APOL5: variants seen among roughly 807,000 people sequenced by gnomAD.
The protein encoded by APOL5 is apolipoprotein L, 5.
In APOL5, 29 loss-of-function variants were observed where a neutral mutation model predicts 35.5. The observed-to-expected ratio is 0.82, with a 90% CI of 0.61 to 1.11. The LOEUF (loss-of-function observed/expected upper bound fraction) is 1.11, where lower values mean the gene tolerates loss of function less well. Ranked by LOEUF, APOL5 falls within the 50% of genes most tolerant of loss-of-function variation. The pLI, the probability that APOL5 is intolerant of heterozygous loss-of-function variation, is 0.00. For missense variants in APOL5, 514 were observed against 530.4 expected (o/e 0.97, Z 0.30); for synonymous variants, 188 against 200.2 (o/e 0.94, Z 0.51).
chr22:35,711,599 T>TTCCCTTCCTTCCTTCC, the APOL5 span, among the ~76,000 whole-genome samples: 1 of 77,508 alleles, frequency 1.3e-5, no homozygotes, highest in African/African-American at 5.6e-5. Flanking sequence ...TCACCATGTT[T>TTCCCTTCCTTCCTTCC]TTCCTTCCTT....
At chr22:35,716,758 A>G (rs1197045087), upstream of APOL5, among the ~76,000 whole-genome samples, 1 of 151,570 alleles carries the variant, frequency 6.6e-6, no homozygotes, top group Admixed American at 6.6e-5. Flanking sequence ...CTTAAAAAAA[A>G]TAAGAAAAGA....
At chr22:35,717,235 A>AAAAAAAAAAAAATATATATATAT, upstream of APOL5, among the ~76,000 whole-genome samples, 1 of 57,662 alleles carries the variant, frequency 1.7e-5, no homozygotes, top group Non-Finnish European at 3.1e-5. Flanking sequence ...AAAAAAAAAA[A>AAAAAAAAAAAAATATATATATAT]ATATATATAT....
In APOL5 at chr22:35,726,978, A is replaced by G. The variant is rs1210537001; in HGVS notation, c.910A>G (p.Met304Val). 2 of 1,614,158 alleles carry G rather than the reference A, an allele frequency of 1.2e-6. No homozygotes were observed. ...MGAAGAGFLL[M>V]KDMSSFLQSW... The stretch of plus-strand genomic sequence containing the variant: ...TGCTGCTGGGGCTGGCTTCTTACTT[A>G]TGAAAGACATGAGCAGCTTCCTGCA... Residue 304 changes from methionine (M) to valine (V), a missense_variant, in exon 3 of 5, where the codon ATG becomes GTG. Coordinates refer to ENST00000249044, the MANE Select transcript of APOL5 (RefSeq NM_030642.1).
At chr22:35,719,011 A>G (rs1383749665) in intron 1 of APOL5, among the ~76,000 whole-genome samples, 2 of 150,728 alleles carry the variant, frequency 1.3e-5, no homozygotes, top group South Asian at 2.1e-4. Flanking sequence ...GTGAGCCGAG[A>G]TCGCACCACT....
At position 35,726,195 on chromosome 22, in the gene APOL5, G is replaced by T; in HGVS notation, c.143-16G>T. On this transcript the variant is annotated splice_polypyrimidine_tract_variant and intron_variant, in intron 2 of 4. Coordinates refer to ENST00000249044, the MANE Select transcript of APOL5 (RefSeq NM_030642.1). ...CTGCACACATTTTAGTGCTCAGATT[G>T]CCTAGATGTCTTTAGCCTCACTCGT... 1 of 1,599,768 alleles carries T rather than the reference G, an allele frequency of 6.3e-7. No individual in the cohort carries two copies.
chr22:35,727,720 T>C (rs933672607), intron 3 of APOL5, among the ~76,000 whole-genome samples: 7 of 152,210 alleles, frequency 4.6e-5, no homozygotes, highest in African/African-American at 1.2e-4. Context: ...GCTTGGCACA[T>C]AGCCAGTGTG....
At chr22:35,725,416 G>A (rs781179548) in intron 2 of APOL5, among the ~76,000 whole-genome samples, 1 of 151,936 alleles carries the variant, frequency 6.6e-6, no homozygotes, top group African/African-American at 2.4e-5. Context: ...CACCACACCC[G>A]GCTAACTTTT....
At chr22:35,728,669 AG>A in intron 3 of APOL5, 53 bp from the exon 4 acceptor site, 1 of 1,578,650 alleles carries the variant, frequency 6.3e-7, no homozygotes, top group Non-Finnish European at 8.6e-7. Flanking sequence ...CTGAACGTCC[AG>A]GGGCAGATCT....
upstream of APOL5, among the ~76,000 whole-genome samples, chr22:35,717,651 A>G (rs1161438389): frequency 6.7e-6 from 1 of 148,986 alleles, no homozygotes; most frequent in Non-Finnish European, 1.5e-5. Flanking sequence ...GAGGCAGAAG[A>G]GTCAGTTGAA....
chr22:35,727,207 C>A lies in APOL5; in HGVS notation c.1126+13C>A, dbSNP rs1157644049. On this transcript the variant is annotated intron_variant, in intron 3 of 4. Coordinates refer to ENST00000249044, the MANE Select transcript of APOL5 (RefSeq NM_030642.1). ...GTTAAACCAGAAGGTAGGAAGGCAG[C>A]GAATAACACGGACGTGGTCTTGCTC... 1.9e-6 allele frequency: 3 copies of A among 1,587,228 alleles called. No homozygotes were observed. Among genetic ancestry groups the A allele is most frequent in the Non-Finnish European group, 2.6e-6 (3 of 1,172,932 alleles).
At position 35,726,598 on chromosome 22, in the gene APOL5, G is replaced by T. The variant is rs1391221531; in HGVS notation, c.530G>T (p.Gly177Val). ...CTCTCAGCAACTGGGACAGGGTTGG[G>T]GGCAGCAGCTGCCATCACCAACATA... Reference protein sequence around the residue: ...LMLSATGTGLGAAAAITNIVT... With the variant: ...LMLSATGTGLVAAAAITNIVT... The change falls in exon 3 of 5, where the codon GGG (glycine) becomes GTG (valine). Residue 177 changes from glycine (G) to valine (V), a missense_variant. Gly to Val is a moderately radical substitution (Grantham distance 109). This residue lies in a region of APOL5 where 254 missense variants were observed against 254.7 expected (regional missense o/e 1.00). Transcript: ENST00000249044. 1 of 1,614,138 alleles carries T rather than the reference G, an allele frequency of 6.2e-7. No homozygotes were observed.
the APOL5 span, among the ~76,000 whole-genome samples, chr22:35,712,598 A>G: frequency 6.6e-6 from 1 of 152,200 alleles, no homozygotes; most frequent in Non-Finnish European, 1.5e-5. Context: ...ACATATTGGG[A>G]GAAATATCTA....
At chr22:35,712,309 C>T in the APOL5 span, among the ~76,000 whole-genome samples, 1 of 152,048 alleles carries the variant, frequency 6.6e-6, no homozygotes, top group African/African-American at 2.4e-5. Context: ...ACACCCGGCT[C>T]ATTTTTATTT....
chr22:35,725,674 G>T (rs1048892324), intron 2 of APOL5, among the ~76,000 whole-genome samples: 1 of 152,126 alleles, frequency 6.6e-6, no homozygotes, highest in Non-Finnish European at 1.5e-5. Flanking sequence ...TGCGCTGAGC[G>T]GGTTCCTGGG....
At chr22:35,722,850 G>A (rs1018523467) in intron 2 of APOL5, among the ~76,000 whole-genome samples, 3 of 152,124 alleles carry the variant, frequency 2.0e-5, no homozygotes, top group East Asian at 1.9e-4. Flanking sequence ...TAACAATAGC[G>A]GGGAGGTTAT....
upstream of APOL5, among the ~76,000 whole-genome samples, chr22:35,714,244 G>A (rs1024677861): frequency 3.9e-5 from 6 of 152,160 alleles, no homozygotes; most frequent in African/African-American, 7.2e-5. Flanking sequence ...CCTGGGCGGC[G>A]GAGGTTGCAG....
At chr22:35,710,699 C>A in the APOL5 span, among the ~76,000 whole-genome samples, 1 of 152,078 alleles carries the variant, frequency 6.6e-6, no homozygotes, top group Admixed American at 6.5e-5. Context: ...AACAATAACT[C>A]CTCATTCCCC....
chr22:35,715,337 T>C (rs541391638), upstream of APOL5, among the ~76,000 whole-genome samples: 17 of 152,314 alleles, frequency 1.1e-4, no homozygotes, highest in Non-Finnish European at 2.2e-4. Context: ...CTGAGCAAGA[T>C]TTTAAACATA....
chr22:35,710,473 A>ATG, the APOL5 span, among the ~76,000 whole-genome samples: 2 of 151,262 alleles, frequency 1.3e-5, no homozygotes, highest in Non-Finnish European at 2.9e-5. Flanking sequence ...ATGCCTATAA[A>ATG]TGTGTATATA....
Sources: allele counts gnomAD v4.1 joint callset (sites outside exome capture counted in the v4.1 genomes callset), GRCh38; gene constraint gnomAD v4.1.1; regional missense constraint gnomAD v4.1.1; transcripts MANE v1.5; gene names NCBI Gene and HGNC (gene_info 2026-07-23, HGNC 2026-07-21).